Variants in RAB7A observed in about 807,000 individuals in gnomAD.
RAB7A encodes RAB7A, member RAS oncogene family, also known as ras-related protein Rab-7a.
In RAB7A, 2 loss-of-function variants were observed where a neutral mutation model predicts 24.5. The observed-to-expected ratio is 0.08, with a 90% confidence interval of 0.03 to 0.26. The LOEUF is 0.26. Ranked by LOEUF, RAB7A falls within the 10% of genes least tolerant of loss-of-function variation. The pLI is 1.00. For missense variants in RAB7A, 118 were observed against 255.7 expected (o/e 0.46, Z 3.67); for synonymous variants, 100 against 95.9 (o/e 1.04, Z -0.25).
chr3:128,743,802 T>C (rs2070581158), intron 1 of RAB7A, among the ~76,000 whole-genome samples: 1 of 151,564 alleles, frequency 6.6e-6, no homozygotes, highest in African/African-American at 2.4e-5. Context: ...CTTTTTTTTT[T>C]TTTTTCTGAG....
chr3:128,783,691 C>G (rs908728414), intron 1 of RAB7A, among the ~76,000 whole-genome samples: 1 of 152,188 alleles, frequency 6.6e-6, no homozygotes, highest in Non-Finnish European at 1.5e-5. Flanking sequence ...CTGCGCCACC[C>G]CCCTGATGCT....
In RAB7A at chr3:128,758,281, T is replaced by G. The variant is rs558366470; in HGVS notation, c.-9+31922T>G. Among the ~76,000 whole-genome samples, 394 of 150,524 alleles carry G rather than the reference T, an allele frequency of 2.6e-3. 4 individuals carry two copies. Among genetic ancestry groups the G allele is most frequent in the African/African-American group, 9.0e-3 (369 of 40,934 alleles). On this transcript the variant is annotated intron_variant, in intron 1 of 5. Transcript: ENST00000265062. The stretch of plus-strand genomic sequence containing the variant: ...CCCAGTGTTTGTTTTTTTGTTTTTT[T>G]TTTTTTTTTGAGACAGAGTCTGGCT...
chr3:128,752,049 C>T (rs2070687514), intron 1 of RAB7A, among the ~76,000 whole-genome samples: 1 of 152,212 alleles, frequency 6.6e-6, no homozygotes, highest in African/African-American at 2.4e-5. Context: ...ATTGTAAGTC[C>T]AGTTAAACCT....
intron 3 of RAB7A, among the ~76,000 whole-genome samples, chr3:128,803,639 A>G (rs1188567685): frequency 1.3e-5 from 2 of 152,214 alleles, no homozygotes; most frequent in African/African-American, 4.8e-5. Context: ...GGGGAGTGAA[A>G]AACTGCAAAT....
intron 1 of RAB7A, among the ~76,000 whole-genome samples, chr3:128,734,454 C>CAAAAA (rs10524458): frequency 4.6e-5 from 4 of 86,876 alleles, no homozygotes; most frequent in Admixed American, 1.2e-4. Flanking sequence ...GACCCTACCT[C>CAAAAA]AAAAAAAAAA....
intron 1 of RAB7A, among the ~76,000 whole-genome samples, chr3:128,792,434 T>C (rs1410196391): frequency 1.3e-5 from 2 of 152,024 alleles, no homozygotes; most frequent in Non-Finnish European, 2.9e-5. Flanking sequence ...TGAAAAAGAG[T>C]CTTGCTCTGT....
In RAB7A at chr3:128,737,338, C is replaced by CTT. The variant is rs34916629; in HGVS notation, c.-9+10998_-9+10999dup. 2.3e-4 allele frequency among the ~76,000 whole-genome samples: 21 copies of CTT among 90,050 alleles called. 1 individual carries two copies. The highest frequency in any genetic ancestry group is 1.4e-3 in the South Asian group (3 of 2,218). The allele number at this position is 90,050 out of a possible 152,430, so 59.1% of individuals were successfully genotyped here. ...ACAGGCGTGAGCCACCGCTCCCGGC[C>CTT]TTTTTTTTTTTTTTTTTTTTGAGAT... On this transcript the variant is annotated intron_variant, in intron 1 of 5. Coordinates refer to ENST00000265062, the MANE Select transcript of RAB7A (RefSeq NM_004637.6).
rs1339654349 is a variant in RAB7A at position 128,742,906 on chromosome 3, C to T, written c.-9+16547C>T. On this transcript the variant is annotated intron_variant, in intron 1 of 5. Coordinates refer to ENST00000265062, the MANE Select transcript of RAB7A (RefSeq NM_004637.6). ...CAGGGCCACGGGCGGAGCTGCCCAG[C>T]AGTCCCATGCTGCGCACCTGCACTC... Among the ~76,000 whole-genome samples the T allele has an allele frequency of 2.6e-5, 4 of 152,346 alleles. No individual in the cohort carries two copies. In the South Asian group the frequency reaches 6.2e-4, roughly 24 times the overall value.
At chr3:128,737,033 AATTT>A (rs1263618421) in intron 1 of RAB7A, among the ~76,000 whole-genome samples, 6 of 50,014 alleles carry the variant, frequency 1.2e-4, no homozygotes, top group Non-Finnish European at 2.0e-4. Flanking sequence ...GATCCTAAGA[AATTT>A]ATTTATTTAT....
At chr3:128,753,036 G>A (rs1559783532) in intron 1 of RAB7A, among the ~76,000 whole-genome samples, 1 of 152,158 alleles carries the variant, frequency 6.6e-6, no homozygotes, top group Non-Finnish European at 1.5e-5. Context: ...ATTAACATCT[G>A]TAGAATGGAG....
rs1351978022 is a variant in RAB7A, at chr3:128,775,457, C to T, written c.-8-19903C>T. On this transcript the variant is annotated intron_variant, in intron 1 of 5. Transcript: ENST00000265062. ...CTCTTTTCTTAGTAGCAGTGCCGTA[C>T]CACATTCTGTGGGCTTCCTGATTTG... is the stretch of plus-strand genomic sequence containing the variant. Among the ~76,000 whole-genome samples the T allele has an allele frequency of 8.5e-5, 13 of 152,314 alleles. No individual in the cohort carries two copies. The South Asian group carries it at 2.1e-3, about 24-fold the overall frequency.
At chr3:128,750,756 T>G (rs1422572932) in intron 1 of RAB7A, among the ~76,000 whole-genome samples, 1 of 152,176 alleles carries the variant, frequency 6.6e-6, no homozygotes, top group Non-Finnish European at 1.5e-5. Flanking sequence ...GAATGTTAAC[T>G]CCCAAGACAA....
At chr3:128,763,208 A>ATATATATTTTTT (rs373993932) in intron 1 of RAB7A, among the ~76,000 whole-genome samples, 6 of 76,060 alleles carry the variant, frequency 7.9e-5, no homozygotes, top group African/African-American at 4.1e-4. Flanking sequence ...ATATATATAT[A>ATATATATTTTTT]TTTTTTTTTT....
chr3:128,809,777 T>G (rs1299127696), intron 5 of RAB7A, among the ~76,000 whole-genome samples: 2 of 151,658 alleles, frequency 1.3e-5, no homozygotes, highest in Non-Finnish European at 2.9e-5. Context: ...ACAAGCCGTT[T>G]CCCTCCCTGA....
chr3:128,743,062 G>A (rs975744089), intron 1 of RAB7A, among the ~76,000 whole-genome samples: 1 of 152,234 alleles, frequency 6.6e-6, no homozygotes, highest in Admixed American at 6.5e-5. Flanking sequence ...CCAGAGCCCT[G>A]CCCCACGGGG....
chr3:128,736,827 A>G (rs7613293), intron 1 of RAB7A, among the ~76,000 whole-genome samples: 8,118 of 152,160 alleles, frequency 0.053, 634 homozygotes, highest in African/African-American at 0.17. Flanking sequence ...ACATGTGTGG[A>G]CTTGGAAGGC....
chr3:128,752,797 A>AT lies in RAB7A; in HGVS notation c.-9+26446dup, dbSNP rs1296949809. ...AGGTGGGTTATAGAGGTTGATATTT[A>AT]TTTTTTTTGAAACCTGAAGTATGCT... On this transcript the variant is annotated intron_variant, in intron 1 of 5. Transcript: ENST00000265062. Among the ~76,000 whole-genome samples, 8 of 112,362 alleles carry AT rather than the reference A, an allele frequency of 7.1e-5. No individual in the cohort carries two copies. The South Asian group carries it at 7.9e-4, about 11-fold the overall frequency. The allele number at this position is 112,362 out of a possible 152,430, so 73.7% of individuals were successfully genotyped here.
chr3:128,787,769 G>A (rs886607592), intron 1 of RAB7A, among the ~76,000 whole-genome samples: 5 of 152,246 alleles, frequency 3.3e-5, no homozygotes, highest in African/African-American at 1.2e-4. Context: ...GGAGGGCAGT[G>A]GAGCGATCAT....
chr3:128,790,874 A>G (rs1029269070), intron 1 of RAB7A, among the ~76,000 whole-genome samples: 6 of 152,128 alleles, frequency 3.9e-5, no homozygotes, highest in Non-Finnish European at 8.8e-5. Context: ...TTTATATTAA[A>G]TGCTCCCCAG....
Sources: allele counts gnomAD v4.1 joint callset (sites outside exome capture counted in the v4.1 genomes callset), GRCh38; gene constraint gnomAD v4.1.1; transcripts MANE v1.5; gene names NCBI Gene and HGNC (gene_info 2026-07-23, HGNC 2026-07-21).